Variants in GOSR1 observed in about 807,000 individuals in gnomAD.
The protein encoded by GOSR1 is golgi SNAP receptor complex member 1.
A neutral mutation model predicts 35.5 loss-of-function variants in GOSR1; 21 were observed. The observed-to-expected ratio is 0.59, with a 90% CI of 0.42 to 0.85. The LOEUF (loss-of-function observed/expected upper bound fraction) is 0.85. Ranked by LOEUF, GOSR1 falls within the 40% of genes least tolerant of loss-of-function variation. The pLI, the probability that GOSR1 is intolerant of heterozygous loss-of-function variation, is 0.00. For missense variants in GOSR1, 285 were observed against 309.6 expected (o/e 0.92, Z 0.60); for synonymous variants, 94 against 106.6 (o/e 0.88, Z 0.73).
Position 30,481,234 on chromosome 17 carries a change from T to G in GOSR1, c.123T>G (p.Ser41Arg). 1 of 1,607,196 alleles carries G rather than the reference T, an allele frequency of 6.2e-7. No homozygotes were observed. Among genetic ancestry groups the G allele is most frequent in the Non-Finnish European group, 8.5e-7 (1 of 1,173,728 alleles). ...SKLCTSYSHS[S>R]TRDGRRDSSD... ...TATGTACAAGTTACAGTCATAGCAGTACCCGAGATGGAAGACGCGACAGGT... is the reference window on the plus strand; with the variant it reads ...TATGTACAAGTTACAGTCATAGCAGGACCCGAGATGGAAGACGCGACAGGT... The change falls in exon 2 of 9, where the codon AGT becomes AGG. Residue 41 changes from serine (S) to arginine (R), a missense_variant. Transcript: ENST00000451249.
Position 30,490,222 on chromosome 17 carries a change from G to C in GOSR1, c.434+5G>C. On this transcript the variant is annotated splice_donor_5th_base_variant and intron_variant, in intron 5 of 8. Coordinates refer to ENST00000451249, the MANE Select transcript of GOSR1 (RefSeq NM_001007025.2). ...ATCAGTACGAAAAGATATTGAGTAA[G>C]TTACTTTTTATATTATTTTGTAGAA... 3 of 1,317,982 alleles carry C rather than the reference G, an allele frequency of 2.3e-6. No homozygotes were observed. The highest frequency in any genetic ancestry group is 3.3e-6 in the Non-Finnish European group (3 of 911,098). 81.6% of individuals were successfully genotyped at this position (1,317,982 alleles called of 1,614,324 possible). A position where few individuals can be genotyped will look rare whatever the true frequency, so the allele number is the denominator to read the frequency against.
intron 5 of GOSR1, among the ~76,000 whole-genome samples, chr17:30,491,756 A>G (rs1446237200): frequency 6.6e-6 from 1 of 152,120 alleles, no homozygotes; most frequent in Non-Finnish European, 1.5e-5. Flanking sequence ...AGTATTTTTT[A>G]ATGTATTATA....
chr17:30,492,813 T>C (rs991901059), intron 6 of GOSR1, 60 bp downstream of exon 6: 18 of 961,902 alleles, frequency 1.9e-5, no homozygotes, highest in Admixed American at 1.7e-5. Context: ...CATTTACTTA[T>C]GTAACCAACA....
intron 6 of GOSR1, among the ~76,000 whole-genome samples, chr17:30,504,784 A>G (rs1967341520): frequency 6.6e-6 from 1 of 152,232 alleles, no homozygotes; most frequent in South Asian, 2.1e-4. Context: ...CTTAGCGTCC[A>G]TTTCAACTCC....
intron 4 of GOSR1, among the ~76,000 whole-genome samples, chr17:30,486,133 T>C (rs966172880): frequency 3.9e-5 from 6 of 151,932 alleles, no homozygotes; most frequent in Non-Finnish European, 8.8e-5. Context: ...ACATTCCCAT[T>C]GTATGAAACA....
At chr17:30,508,490 G>T (rs993124625) in intron 6 of GOSR1, among the ~76,000 whole-genome samples, 1 of 152,178 alleles carries the variant, frequency 6.6e-6, no homozygotes, top group Non-Finnish European at 1.5e-5. Flanking sequence ...CACTTCACCA[G>T]ATGCCTTTTG....
At chr17:30,506,691 A>G (rs1206032925) in intron 6 of GOSR1, among the ~76,000 whole-genome samples, 1 of 152,256 alleles carries the variant, frequency 6.6e-6, no homozygotes, top group African/African-American at 2.4e-5. Context: ...TGTTTAGTGT[A>G]GAATAAACAG....
chr17:30,497,500 T>C (rs1967044106), intron 6 of GOSR1, among the ~76,000 whole-genome samples: 1 of 152,168 alleles, frequency 6.6e-6, no homozygotes, highest in Non-Finnish European at 1.5e-5. Context: ...ATGGGTGAAA[T>C]AACCCTTACT....
chr17:30,491,685 T>C (rs146443441), intron 5 of GOSR1, among the ~76,000 whole-genome samples: 1 of 151,836 alleles, frequency 6.6e-6, no homozygotes, highest in Non-Finnish European at 1.5e-5. Context: ...AAAAGACCAA[T>C]GTGGTCCTGT....
At chr17:30,493,309 A>G (rs953864694) in intron 6 of GOSR1, among the ~76,000 whole-genome samples, 8 of 152,140 alleles carry the variant, frequency 5.3e-5, no homozygotes, top group Non-Finnish European at 1.0e-4. Flanking sequence ...TGCATGTGCT[A>G]ATTCTCTACA....
Position 30,523,368 on chromosome 17 carries a change from A to G in GOSR1, c.*990A>G. The G allele has an allele frequency of 1.2e-5, 2 of 167,052 alleles. No homozygotes were observed. Among genetic ancestry groups the G allele is most frequent in the South Asian group, 2.4e-4 (2 of 8,204 alleles). 10.3% of individuals were successfully genotyped at this position (167,052 alleles called of 1,614,324 possible). ...CCGCGACCCCGTCTGGGAGGTGAGG[A>G]GCGTCTCTGTCTGGCCACCCCGTCT... On this transcript the variant is annotated 3_prime_UTR_variant, in exon 9 of 9. Coordinates refer to ENST00000451249, the MANE Select transcript of GOSR1 (RefSeq NM_001007025.2).
rs1302740170 is a variant in GOSR1, at chr17:30,477,413, G to C, written c.-21G>C. On this transcript the variant is annotated 5_prime_UTR_variant, in exon 1 of 9. Coordinates refer to ENST00000451249, the MANE Select transcript of GOSR1 (RefSeq NM_001007025.2). ...TGCATCGCCTCTGCTCCCCTATCCC[G>C]GCTGACGTTGGACGACAAAGATGGC... The C allele has an allele frequency of 6.2e-7, 1 of 1,608,008 alleles. No individual in the cohort carries two copies. Among genetic ancestry groups the C allele is most frequent in the South Asian group, 1.1e-5 (1 of 90,332 alleles).
rs57952108 is a variant in GOSR1 at position 30,495,350 on chromosome 17, T to C, written c.509+2597T>C. The C allele has an allele frequency of 8.1e-3, 3,543 of 440,076 alleles. 110 individuals carry two copies. Among genetic ancestry groups the C allele is most frequent in the African/African-American group, 0.066 (3,228 of 49,220 alleles). The allele number at this position is 440,076 out of a possible 1,614,324, so 27.3% of individuals were successfully genotyped here. On this transcript the variant is annotated intron_variant, in intron 6 of 8. Transcript: ENST00000451249. ...TTACTTGACCAGGCATATGATGCTT[T>C]TTCTCTAGAAGCATTTTGTCATTTT... is the stretch of plus-strand genomic sequence containing the variant.
intron 6 of GOSR1, among the ~76,000 whole-genome samples, chr17:30,496,017 T>A (rs546402815): frequency 9.8e-5 from 15 of 152,332 alleles, no homozygotes; most frequent in Admixed American, 4.6e-4. Context: ...GACCTTCCTG[T>A]CTCTTCACCT....
At chr17:30,507,632 A>G (rs1157350112) in intron 6 of GOSR1, among the ~76,000 whole-genome samples, 1 of 152,070 alleles carries the variant, frequency 6.6e-6, no homozygotes, top group Non-Finnish European at 1.5e-5. Context: ...TTGAGGCAGA[A>G]GAATCACTTG....
At chr17:30,515,294 ATT>A (rs35911853) in intron 7 of GOSR1, among the ~76,000 whole-genome samples, 69,230 of 139,314 alleles carry the variant, frequency 0.5, 16,435 homozygotes, top group East Asian at 0.78. Context: ...TGCCCAGCTA[ATT>A]TTTTTTTTTT....
intron 8 of GOSR1, 86 bp from the exon 9 acceptor site, chr17:30,522,168 A>G (rs1452554403): frequency 1.9e-6 from 2 of 1,053,488 alleles, no homozygotes; most frequent in East Asian, 5.1e-5. Flanking sequence ...GTTTCTAGAC[A>G]CCACTGATCT....
At chr17:30,509,316 G>A (rs1459410873) in intron 6 of GOSR1, among the ~76,000 whole-genome samples, 1 of 151,488 alleles carries the variant, frequency 6.6e-6, no homozygotes, top group African/African-American at 2.4e-5. Context: ...TCACTGTATT[G>A]GCCAGGCTGG....
chr17:30,477,927 C>A, intron 1 of GOSR1: 1 of 983,370 alleles, frequency 1.0e-6, no homozygotes, highest in Non-Finnish European at 1.2e-6. Flanking sequence ...CATTCCGGTC[C>A]GTCGGAGGAA....
Sources: gnomAD v4.1 joint callset for allele counts (sites outside exome capture counted in the v4.1 genomes callset) on GRCh38, gnomAD v4.1.1 for gene constraint, MANE v1.5 for transcripts, NCBI Gene and HGNC (gene_info 2026-07-23, HGNC 2026-07-21) for gene names.